RELCH: variants seen among roughly 807,000 people sequenced by gnomAD.
RELCH encodes the protein RAB11-binding protein RELCH.
Under a neutral mutation model 150.3 loss-of-function variants are expected in RELCH, and 41 were observed. That is an observed-to-expected ratio of 0.27 (90% CI 0.21 to 0.35). The LOEUF is 0.35. RELCH is among the 10% of genes least tolerant of loss of function. The probability of loss-of-function intolerance (pLI) is 1.00; values close to 1 mark genes in which losing one functional copy is unlikely to be tolerated. For missense variants in RELCH, 1,092 were observed against 1,467.8 expected, an observed-to-expected ratio of 0.74 and a Z score of 4.18; for synonymous variants, 478 against 531.8, an observed-to-expected ratio of 0.90 and a Z score of 1.39.
Position 62,260,522 on chromosome 18 carries a change from C to G in RELCH, c.2203-989C>G, listed in dbSNP as rs189104081. ...AAAAACAGAAATACCTGTAATCCAC[C>G]AATCCCACCACTGGGTATATATCTA... On this transcript the variant is annotated intron_variant, in intron 15 of 28. Coordinates refer to ENST00000644646, the MANE Select transcript of RELCH (RefSeq NM_001346231.2). Among the ~76,000 whole-genome samples, 24 of 151,912 alleles carry G rather than the reference C, an allele frequency of 1.6e-4. 2 individuals carry two copies. Among genetic ancestry groups the G allele is most frequent in the African/African-American group, 5.1e-4 (21 of 41,492 alleles).
At chr18:62,221,525 A>AT (rs753355203) in intron 5 of RELCH, 28 bp downstream of exon 5, 2 of 1,001,850 alleles carry the variant, frequency 2.0e-6, no homozygotes, top group Non-Finnish European at 2.9e-6. Flanking sequence ...TTTTACAGTG[A>AT]TTTTTTTCTA....
At chr18:62,210,975 G>T (rs1383648734) in intron 1 of RELCH, among the ~76,000 whole-genome samples, 178 bp from the exon 2 acceptor site, 1 of 152,162 alleles carries the variant, frequency 6.6e-6, no homozygotes, top group Non-Finnish European at 1.5e-5. Context: ...GGGAAACTTA[G>T]TTAAAGTAAC....
At position 62,231,280 on chromosome 18, in the gene RELCH, C is replaced by G; in HGVS notation, c.1524+11C>G. On this transcript the variant is annotated intron_variant, in intron 9 of 28. Coordinates refer to ENST00000644646, the MANE Select transcript of RELCH (RefSeq NM_001346231.2). ...CGTTTAGGATACGAGGTAAATTATA[C>G]CACCTATTTCCACAACTTTTTAAAA... 1 of 1,503,470 alleles carries G rather than the reference C, an allele frequency of 6.7e-7. No individual in the cohort carries two copies. Among genetic ancestry groups the G allele is most frequent in the Non-Finnish European group, 9.2e-7 (1 of 1,086,916 alleles). The allele number at this position is 1,503,470 out of a possible 1,614,324, so 93.1% of individuals were successfully genotyped here.
In RELCH at chr18:62,231,222, C is replaced by T; in HGVS notation, c.1477C>T (p.Leu493=). 6.2e-7 allele frequency: 1 copy of T among 1,608,018 alleles called. No homozygotes were observed. Among genetic ancestry groups the T allele is most frequent in the East Asian group, 2.2e-5 (1 of 44,630 alleles). The change falls in exon 9 of 29, where the codon CTA becomes TTA. Residue 493 remains leucine (L), a synonymous_variant. Coordinates refer to ENST00000644646, the MANE Select transcript of RELCH (RefSeq NM_001346231.2). ...RKLSPAFHQA[L]LSFCRMSADS... Reference sequence around the variant, plus strand: ...ATTGTCTCCTGCATTCCATCAAGCACTACTCTCTTTTTGTCGAATGTCAGC... The same window carrying T: ...ATTGTCTCCTGCATTCCATCAAGCATTACTCTCTTTTTGTCGAATGTCAGC...
At chr18:62,228,283 C>A in intron 7 of RELCH, 22 bp from the exon 8 acceptor site, 1 of 1,580,846 alleles carries the variant, frequency 6.3e-7, no homozygotes, top group South Asian at 1.2e-5. Context: ...CTGGTGATTT[C>A]TCTTAATTTC....
intron 24 of RELCH, 43 bp downstream of exon 24, chr18:62,280,752 G>T: frequency 3.8e-6 from 5 of 1,326,960 alleles, no homozygotes; most frequent in Non-Finnish European, 5.4e-6. Context: ...TAATATTGAT[G>T]TGGTCATGAT....
chr18:62,284,496 A>T (rs936881161), intron 25 of RELCH: 5 of 152,226 alleles, frequency 3.3e-5, no homozygotes, highest in African/African-American at 1.2e-4. Flanking sequence ...TTTTTAAGAT[A>T]AAAATTAGCC....
intron 16 of RELCH, among the ~76,000 whole-genome samples, chr18:62,262,432 G>A (rs1475398174): frequency 6.6e-6 from 1 of 151,742 alleles, no homozygotes; most frequent in Non-Finnish European, 1.5e-5. Context: ...AACATCAACA[G>A]ACAATCTTCT....
chr18:62,189,259 G>GT (rs748259898), intron 1 of RELCH, among the ~76,000 whole-genome samples: 22,359 of 117,840 alleles, frequency 0.19, 2,017 homozygotes, highest in South Asian at 0.28. Context: ...GTCTTTTTTT[G>GT]TTTTTTTTTT....
Position 62,207,472 on chromosome 18 carries a change from A to G in RELCH, c.527-3681A>G, listed in dbSNP as rs115009283. Among the ~76,000 whole-genome samples, 146 of 152,286 alleles carry G rather than the reference A, an allele frequency of 9.6e-4. 1 individual carries two copies. Among genetic ancestry groups the G allele is most frequent in the African/African-American group, 3.4e-3 (142 of 41,566 alleles). ...ATGCTGCTATGAATAATTATGTACA[A>G]GATTTTGTGTGGACATATACTGTCC... On this transcript the variant is annotated intron_variant, in intron 1 of 28. Coordinates refer to ENST00000644646, the MANE Select transcript of RELCH (RefSeq NM_001346231.2).
intron 5 of RELCH, 25 bp downstream of exon 5, chr18:62,221,522 G>A (rs1209275029): frequency 9.1e-7 from 1 of 1,104,304 alleles, no homozygotes; most frequent in Admixed American, 2.6e-5. Context: ...TGTTTTTACA[G>A]TGATTTTTTT....
chr18:62,247,599 A>G (rs942368822), intron 11 of RELCH, among the ~76,000 whole-genome samples: 4 of 151,096 alleles, frequency 2.6e-5, no homozygotes, highest in African/African-American at 9.7e-5. Context: ...GCTGGAGTGC[A>G]GAGGCACAAT....
intron 27 of RELCH, among the ~76,000 whole-genome samples, chr18:62,295,108 C>T (rs75622147): frequency 0.02 from 3,048 of 152,226 alleles, 64 homozygotes; most frequent in Non-Finnish European, 0.027. Flanking sequence ...CCTTACCTTC[C>T]TCATATAAAG....
intron 1 of RELCH, among the ~76,000 whole-genome samples, chr18:62,200,700 C>G (rs2039374653): frequency 6.6e-6 from 1 of 151,842 alleles, no homozygotes; most frequent in Admixed American, 6.6e-5. Context: ...TACTGCTATA[C>G]CAAGCCTTCC....
At chr18:62,295,604 A>C (rs117945604) in intron 27 of RELCH, among the ~76,000 whole-genome samples, 2,591 of 152,132 alleles carry the variant, frequency 0.017, 84 homozygotes, top group East Asian at 0.13. Flanking sequence ...TTTTTGAGAC[A>C]GGGTCTCACT....
rs529444252 is a variant in RELCH at position 62,269,581 on chromosome 18, G to A, written c.2760+633G>A. The A allele has an allele frequency of 8.9e-4, 177 of 198,668 alleles. 2 individuals carry two copies. The South Asian group carries it at 0.011, about 12-fold the overall frequency. 12.3% of individuals were successfully genotyped at this position (198,668 alleles called of 1,614,324 possible). ...TTTGTGTACATTGAACCATCAGAAA[G>A]CAAAGGAGTTGCTGTCTCAGCCACC... On this transcript the variant is annotated intron_variant, in intron 20 of 28. Coordinates refer to ENST00000644646, the MANE Select transcript of RELCH (RefSeq NM_001346231.2).
Position 62,282,595 on chromosome 18 carries a change from G to A in RELCH, c.3253+151G>A, listed in dbSNP as rs1459466727. On this transcript the variant is annotated intron_variant, in intron 25 of 28. Coordinates refer to ENST00000644646, the MANE Select transcript of RELCH (RefSeq NM_001346231.2). ...AAAGCCTTGTGTACTCTTGTGTACT[G>A]AAAGCTAAACATGAAACAAGTTAGT... The A allele has an allele frequency of 6.9e-6, 5 of 729,622 alleles. No individual in the cohort carries two copies. In the East Asian group the frequency reaches 7.9e-5, roughly 12 times the overall value. The allele number at this position is 729,622 out of a possible 1,614,324, so 45.2% of individuals were successfully genotyped here.
chr18:62,265,367 A>G (rs1035132012), intron 18 of RELCH, among the ~76,000 whole-genome samples: 1 of 151,988 alleles, frequency 6.6e-6, no homozygotes, highest in Non-Finnish European at 1.5e-5. Flanking sequence ...CATTTGTCAC[A>G]TTTGCCTATC....
At position 62,305,940 on chromosome 18, in the gene RELCH, G is replaced by GA. The variant is rs1474845393; in HGVS notation, c.*407dup. On this transcript the variant is annotated 3_prime_UTR_variant, in exon 29 of 29. Coordinates refer to ENST00000644646, the MANE Select transcript of RELCH (RefSeq NM_001346231.2). This position sits in a 1 kb window ranked among gnomAD's most constrained non-coding sequence, Gnocchi z 4.0. The stretch of plus-strand genomic sequence containing the variant: ...CATTGTTATAAAATAATAAAGTGGA[G>GA]ATTACTTAAGTATTTAAATTATGAA... 6.6e-6 allele frequency: 1 copy of GA among 152,572 alleles called. No homozygotes were observed. Among genetic ancestry groups the GA allele is most frequent in the African/African-American group, 2.4e-5 (1 of 41,398 alleles). The allele number at this position is 152,572 out of a possible 1,614,324, so 9.5% of individuals were successfully genotyped here.
Sources: allele counts gnomAD v4.1 joint callset (sites outside exome capture counted in the v4.1 genomes callset), GRCh38; gene constraint gnomAD v4.1.1; non-coding constraint Gnocchi (gnomAD v3.1); transcripts MANE v1.5; gene names NCBI Gene and HGNC (gene_info 2026-07-23, HGNC 2026-07-21).